Variants in LDLRAD3 observed in about 807,000 individuals in gnomAD.
LDLRAD3 encodes the protein low-density lipoprotein receptor class A domain-containing protein 3.
Under a neutral mutation model 29.4 loss-of-function variants are expected in LDLRAD3, and 20 were observed. That is an observed-to-expected ratio of 0.68 (90% CI 0.48 to 0.99). The LOEUF (loss-of-function observed/expected upper bound fraction) is 0.99. Among genes scored for constraint, LDLRAD3 ranks in the 50% least tolerant of loss-of-function variants. The probability of loss-of-function intolerance (pLI) is 0.00; values close to 1 mark genes in which losing one functional copy is unlikely to be tolerated. For missense variants in LDLRAD3, 420 were observed against 454.3 expected, an observed-to-expected ratio of 0.92 and a Z score of 0.69; for synonymous variants, 157 against 192.7, an observed-to-expected ratio of 0.81 and a Z score of 1.53.
Position 35,948,997 on chromosome 11 carries a change from AGCATCATTACTGTGCATCATTACTGT to A in LDLRAD3, c.46+4885_46+4910del, listed in dbSNP as rs144338485. Among the ~76,000 whole-genome samples the A allele has an allele frequency of 9.5e-4, 144 of 150,882 alleles. 1 individual carries two copies. In the South Asian group the frequency reaches 0.012, roughly 13 times the overall value. On this transcript the variant is annotated intron_variant, in intron 1 of 5. Coordinates refer to ENST00000315571, the MANE Select transcript of LDLRAD3 (RefSeq NM_174902.4). ...GCAAGTGTCCTTGCCATGCATCTTG[AGCATCATTACTGTGCATCATTACTGT>A]GCATCATTACTGTGCATCATTACTG...
At chr11:36,168,833 T>A (rs1026441387) in intron 4 of LDLRAD3, among the ~76,000 whole-genome samples, 4 of 152,178 alleles carry the variant, frequency 2.6e-5, no homozygotes, top group Non-Finnish European at 4.4e-5. Flanking sequence ...CTTCCAGATG[T>A]TGTGATTTCT....
intron 2 of LDLRAD3, among the ~76,000 whole-genome samples, chr11:36,041,775 T>C (rs978352241): frequency 6.6e-6 from 1 of 152,314 alleles, no homozygotes; most frequent in Admixed American, 6.5e-5. Flanking sequence ...TGGGGTCGTC[T>C]TCCCAAGGCG....
At chr11:35,963,009 A>T (rs765367496) in intron 1 of LDLRAD3, among the ~76,000 whole-genome samples, 1 of 152,240 alleles carries the variant, frequency 6.6e-6, no homozygotes, top group Non-Finnish European at 1.5e-5. Context: ...AGAGATGTAG[A>T]TGTTAATGGG....
At chr11:36,202,793 G>T (rs747266249) in intron 4 of LDLRAD3, among the ~76,000 whole-genome samples, 5 of 152,174 alleles carry the variant, frequency 3.3e-5, no homozygotes. Context: ...ACCTAAGTCA[G>T]TAAAGTCAGA....
At chr11:36,067,346 T>C (rs1031348382) in intron 2 of LDLRAD3, among the ~76,000 whole-genome samples, 1 of 152,198 alleles carries the variant, frequency 6.6e-6, no homozygotes, top group Non-Finnish European at 1.5e-5. Context: ...CACTCAATAC[T>C]ACATAACACT....
At chr11:36,164,212 T>C (rs1184045882) in intron 4 of LDLRAD3, among the ~76,000 whole-genome samples, 1 of 152,248 alleles carries the variant, frequency 6.6e-6, no homozygotes, top group Admixed American at 6.5e-5. Flanking sequence ...TGAAAATTGT[T>C]AAGATGTCTT....
chr11:36,138,741 T>TG (rs1469828820), intron 4 of LDLRAD3, among the ~76,000 whole-genome samples: 3 of 152,188 alleles, frequency 2.0e-5, no homozygotes, highest in Non-Finnish European at 4.4e-5. Flanking sequence ...ATGTGATGCT[T>TG]GGGGGGTTTG....
At chr11:35,994,915 C>T (rs1851735151) in intron 1 of LDLRAD3, among the ~76,000 whole-genome samples, 1 of 152,216 alleles carries the variant, frequency 6.6e-6, no homozygotes, top group Non-Finnish European at 1.5e-5. Flanking sequence ...TCAGTCACAT[C>T]TTTAGGCTCC....
chr11:36,070,040 C>T (rs958803472), intron 2 of LDLRAD3, among the ~76,000 whole-genome samples: 2 of 152,176 alleles, frequency 1.3e-5, no homozygotes, highest in African/African-American at 4.8e-5. Flanking sequence ...TCCTATAGCT[C>T]CCCAATCAGG....
intron 4 of LDLRAD3, among the ~76,000 whole-genome samples, chr11:36,224,372 A>G (rs7110064): frequency 0.11 from 16,259 of 152,130 alleles, 1,022 homozygotes; most frequent in East Asian, 0.2. Flanking sequence ...TCCTAACTCT[A>G]CAGCTCTCCC....
intron 4 of LDLRAD3, among the ~76,000 whole-genome samples, chr11:36,125,162 C>T (rs776110759): frequency 4.6e-5 from 7 of 152,112 alleles, no homozygotes; most frequent in Non-Finnish European, 8.8e-5. Flanking sequence ...GATTGTGGGT[C>T]TGCACTCTGA....
chr11:36,044,505 C>G (rs1469242132), intron 2 of LDLRAD3, among the ~76,000 whole-genome samples: 1 of 152,160 alleles, frequency 6.6e-6, no homozygotes, highest in African/African-American at 2.4e-5. Flanking sequence ...CTCCCCTGTT[C>G]CCAACACCTC....
At position 36,182,190 on chromosome 11, in the gene LDLRAD3, A is replaced by G. The variant is rs180809750; in HGVS notation, c.455-44895A>G. Reference sequence around the variant, plus strand: ...AGGTAAAGAAATTGATCAGCTTTAAATAGGAGGTGACTCCGCATTCCTCTT... The same window carrying G: ...AGGTAAAGAAATTGATCAGCTTTAAGTAGGAGGTGACTCCGCATTCCTCTT... On this transcript the variant is annotated intron_variant, in intron 4 of 5. Transcript: ENST00000315571. Among the ~76,000 whole-genome samples, 366 of 152,314 alleles carry G rather than the reference A, an allele frequency of 2.4e-3. 4 individuals are homozygous for G. Among genetic ancestry groups the G allele is most frequent in the African/African-American group, 8.6e-3 (358 of 41,564 alleles).
At chr11:35,976,260 A>G (rs990389372) in intron 1 of LDLRAD3, among the ~76,000 whole-genome samples, 5 of 152,112 alleles carry the variant, frequency 3.3e-5, no homozygotes, top group African/African-American at 1.2e-4. Context: ...AAGTGTACAC[A>G]GTTAGATCCT....
chr11:36,062,625 T>A (rs1222432365), intron 2 of LDLRAD3, among the ~76,000 whole-genome samples: 2 of 152,160 alleles, frequency 1.3e-5, no homozygotes, highest in Non-Finnish European at 2.9e-5. Context: ...TGGGAAGTAA[T>A]TTAATCATGG....
At chr11:36,140,992 T>TTCTTTCTCTCTCTCTCTCTC (rs1279929124) in intron 4 of LDLRAD3, among the ~76,000 whole-genome samples, 72 of 110,050 alleles carry the variant, frequency 6.5e-4, no homozygotes, top group African/African-American at 2.2e-3. Context: ...CTGTTGAGCT[T>TTCTTTCTCTCTCTCTCTCTC]TCTCTCTCTC....
chr11:36,008,265 A>C (rs751525470), intron 1 of LDLRAD3, among the ~76,000 whole-genome samples: 2 of 152,156 alleles, frequency 1.3e-5, no homozygotes, highest in Non-Finnish European at 2.9e-5. Flanking sequence ...TCAAAAAGCC[A>C]TTTGAATGTG....
Position 36,219,875 on chromosome 11 carries a change from A to C in LDLRAD3, c.455-7210A>C, listed in dbSNP as rs901040796. 4.6e-5 allele frequency among the ~76,000 whole-genome samples: 7 copies of C among 152,250 alleles called. No individual in the cohort carries two copies. The East Asian group carries it at 9.6e-4, about 21-fold the overall frequency. On this transcript the variant is annotated intron_variant, in intron 4 of 5. Coordinates refer to ENST00000315571, the MANE Select transcript of LDLRAD3 (RefSeq NM_174902.4). Reference sequence around the variant, plus strand: ...AGCTCTTTTTAAGACACTGTAAAGAAAATGAAAAGATAAGCCATAGACTAG... The same window carrying C: ...AGCTCTTTTTAAGACACTGTAAAGACAATGAAAAGATAAGCCATAGACTAG...
chr11:36,187,028 G>A (rs11033482), intron 4 of LDLRAD3, among the ~76,000 whole-genome samples: 45,360 of 151,942 alleles, frequency 0.3, 7,002 homozygotes, highest in African/African-American at 0.38. Context: ...CTGCTTGCAC[G>A]TCTCTAGCAG....
Sources: gnomAD v4.1 joint callset for allele counts (sites outside exome capture counted in the v4.1 genomes callset) on GRCh38, gnomAD v4.1.1 for gene constraint, MANE v1.5 for transcripts, NCBI Gene and HGNC (gene_info 2026-07-23, HGNC 2026-07-21) for gene names.